ABR: variants seen among roughly 807,000 people sequenced by gnomAD.
The protein encoded by ABR is ABR activator of RhoGEF and GTPase.
A neutral mutation model predicts 107.2 loss-of-function variants in ABR; 35 were observed. The ratio of observed to expected loss-of-function variants is 0.33; its 90% CI spans 0.25 to 0.43. The LOEUF (loss-of-function observed/expected upper bound fraction) is 0.43, where lower values mean the gene tolerates loss of function less well. Among genes scored for constraint, ABR ranks in the 20% least tolerant of loss-of-function variants. The pLI, the probability that ABR is intolerant of heterozygous loss-of-function variation, is 1.00. For synonymous variants in ABR, 498 were observed against 462.0 expected (o/e 1.08, Z -1.00); for missense variants, 815 against 1,115.2 (o/e 0.73, Z 3.83).
At chr17:1,016,644 TG>T (rs2071190838) in intron 16 of ABR, among the ~76,000 whole-genome samples, 1 of 152,004 alleles carries the variant, frequency 6.6e-6, no homozygotes, top group Admixed American at 6.6e-5. Context: ...AAAGCCCCTC[TG>T]TTCCCCACCC....
intron 1 of ABR, among the ~76,000 whole-genome samples, chr17:1,172,350 A>G (rs1028174143): frequency 3.3e-5 from 5 of 152,160 alleles, no homozygotes; most frequent in South Asian, 4.1e-4. Context: ...CCCCTTCACA[A>G]GGTCTCTGGG....
intron 1 of ABR, among the ~76,000 whole-genome samples, chr17:1,194,395 A>C (rs1047464566): frequency 6.6e-6 from 1 of 150,872 alleles, no homozygotes; most frequent in Non-Finnish European, 1.5e-5. Flanking sequence ...GAGGGGTTTC[A>C]CCATGTTGGC....
In ABR at chr17:1,025,890, A is replaced by C. The variant is rs573490423; in HGVS notation, c.1792-12726T>G. Among the ~76,000 whole-genome samples the C allele has an allele frequency of 2.6e-5, 4 of 152,102 alleles. No homozygotes were observed. The South Asian group carries it at 8.3e-4, about 32-fold the overall frequency. ...GGCACGTGGAAGGTGCTCCGGCAATACTCACAGGCCAGAGGAACCAACTGG... is the reference window on the plus strand; with the variant it reads ...GGCACGTGGAAGGTGCTCCGGCAATCCTCACAGGCCAGAGGAACCAACTGG... On this transcript the variant is annotated intron_variant, in intron 16 of 22. Coordinates refer to ENST00000302538, the MANE Select transcript of ABR (RefSeq NM_021962.5).
chr17:1,121,977 G>T (rs535583602), intron 2 of ABR, among the ~76,000 whole-genome samples: 1 of 152,228 alleles, frequency 6.6e-6, no homozygotes, highest in African/African-American at 2.4e-5. Context: ...ATCTCGGCTC[G>T]CTGCAACTTC....
At chr17:1,012,100 T>C (rs778250561) in intron 18 of ABR, 115 bp from the exon 19 acceptor site, 2 of 1,538,026 alleles carry the variant, frequency 1.3e-6, no homozygotes, top group East Asian at 4.6e-5. Flanking sequence ...GATGGAGAGC[T>C]GGGGCGGGGG....
chr17:1,086,373 G>A (rs577592051), intron 4 of ABR, among the ~76,000 whole-genome samples: 163 of 152,236 alleles, frequency 1.1e-3, no homozygotes, highest in Middle Eastern at 3.4e-3. Flanking sequence ...GGATGCACCC[G>A]ATTTACACAT....
At chr17:1,072,836 C>T in intron 7 of ABR, 82 bp from the exon 8 acceptor site, 1 of 1,482,350 alleles carries the variant, frequency 6.7e-7, no homozygotes, top group Non-Finnish European at 9.0e-7. Context: ...AGTCCCCATC[C>T]AAAGGGTGGG....
intron 1 of ABR, among the ~76,000 whole-genome samples, chr17:1,128,390 G>A (rs935990759): frequency 6.6e-6 from 1 of 152,230 alleles, no homozygotes; most frequent in Admixed American, 6.5e-5. Flanking sequence ...GGCAAAGGCT[G>A]CTGGCAGCCA....
intron 2 of ABR, among the ~76,000 whole-genome samples, chr17:1,112,194 C>T (rs957311864): frequency 2.6e-5 from 4 of 152,236 alleles, no homozygotes; most frequent in African/African-American, 9.6e-5. Context: ...AAAGGCCTGG[C>T]ATGGCACACA....
chr17:1,054,341 G>A, intron 14 of ABR, among the ~76,000 whole-genome samples: 1 of 152,200 alleles, frequency 6.6e-6, no homozygotes, highest in Non-Finnish European at 1.5e-5. Flanking sequence ...ATGCATCCCA[G>A]GGTAAAGGAG....
At chr17:1,136,734 C>A (rs1036574364) in intron 1 of ABR, among the ~76,000 whole-genome samples, 10 of 152,196 alleles carry the variant, frequency 6.6e-5, no homozygotes, top group Non-Finnish European at 1.2e-4. Context: ...TCAGCCTTCA[C>A]AGACTTGCAG....
At chr17:1,032,628 G>T (rs4968079) in intron 16 of ABR, among the ~76,000 whole-genome samples, 1 of 80,396 alleles carries the variant, frequency 1.2e-5, no homozygotes, top group African/African-American at 4.0e-5. Context: ...CGCAGAGGAC[G>T]CCACGGGCAA....
chr17:1,202,889 C>CTTTT (rs11403936), intron 1 of ABR, among the ~76,000 whole-genome samples: 12,649 of 145,072 alleles, frequency 0.087, 838 homozygotes, highest in Non-Finnish European at 0.14. Flanking sequence ...TTTGCCATTA[C>CTTTT]TTTTTTTTTT....
chr17:1,070,257 C>G lies in ABR; in HGVS notation c.895-167G>C, dbSNP rs115905328. Among the ~76,000 whole-genome samples the G allele has an allele frequency of 2.5e-3, 380 of 152,196 alleles. 1 individual carries two copies. Among genetic ancestry groups the G allele is most frequent in the African/African-American group, 8.9e-3 (370 of 41,544 alleles). On this transcript the variant is annotated intron_variant, in intron 8 of 22. Transcript: ENST00000302538. This position sits in a 1 kb window ranked among gnomAD's most constrained non-coding sequence, Gnocchi z 4.2. ...AGCACTGCCTTTGGAGTCACATGGG[C>G]ATGGGTTTGAATGCCAACAGGCTTC...
Position 1,003,759 on chromosome 17 carries a change from T to A in ABR, c.*2321A>T, listed in dbSNP as rs1425024956. On this transcript the variant is annotated 3_prime_UTR_variant, in exon 23 of 23. Coordinates refer to ENST00000302538, the MANE Select transcript of ABR (RefSeq NM_021962.5). ...CAGGCAGACCTGGCGTTTCTTAGCC[T>A]GACTCCTGCTGGGCACAGCCCACCC... 1 of 152,402 alleles carries A rather than the reference T, an allele frequency of 6.6e-6. No homozygotes were observed. Among genetic ancestry groups the A allele is most frequent in the Non-Finnish European group, 1.5e-5 (1 of 68,044 alleles). 9.4% of individuals were successfully genotyped at this position (152,402 alleles called of 1,614,324 possible).
At chr17:1,022,682 A>G (rs1472605316) in intron 16 of ABR, 1 of 154,814 alleles carries the variant, frequency 6.5e-6, no homozygotes, top group Admixed American at 6.5e-5. Context: ...CTGCTAGGCC[A>G]GGCAGGCTCC....
At chr17:1,119,621 C>T (rs1231029898) in intron 2 of ABR, among the ~76,000 whole-genome samples, 1 of 152,236 alleles carries the variant, frequency 6.6e-6, no homozygotes, top group South Asian at 2.1e-4. Flanking sequence ...GTTGAGAACC[C>T]CTAGGTGCCA....
chr17:1,094,972 G>A (rs2037307079), intron 3 of ABR, among the ~76,000 whole-genome samples: 1 of 152,220 alleles, frequency 6.6e-6, no homozygotes, highest in Non-Finnish European at 1.5e-5. Context: ...CACCCTCCAT[G>A]AGGGACATGG....
intron 1 of ABR, among the ~76,000 whole-genome samples, chr17:1,215,160 C>T (rs1173281683): frequency 1.3e-5 from 2 of 151,430 alleles, no homozygotes; most frequent in Non-Finnish European, 2.9e-5. Flanking sequence ...GCAGAGATTG[C>T]AGTGAGCCTA....
Sources: gnomAD v4.1 joint callset for allele counts (sites outside exome capture counted in the v4.1 genomes callset) on GRCh38, gnomAD v4.1.1 for gene constraint, Gnocchi (gnomAD v3.1) non-coding constraint, MANE v1.5 for transcripts, NCBI Gene and HGNC (gene_info 2026-07-23, HGNC 2026-07-21) for gene names.